The following ZNF282 variants were observed in gnomAD, a reference collection of about 807,000 sequenced individuals.
ZNF282 encodes the protein zinc finger protein 282, also known as HTLV-I U5 repressive element-binding protein 1.
A neutral mutation model predicts 61.9 loss-of-function variants in ZNF282; 30 were observed. The ratio of observed to expected loss-of-function variants is 0.48; its 90% CI spans 0.36 to 0.66. ZNF282 has a LOEUF of 0.66. Among genes scored for constraint, ZNF282 ranks in the 30% least tolerant of loss-of-function variants. The pLI is 0.00. For missense variants in ZNF282, 788 were observed against 941.4 expected, an observed-to-expected ratio of 0.84 and a Z score of 2.13; for synonymous variants, 396 against 405.0, an observed-to-expected ratio of 0.98 and a Z score of 0.27.
In ZNF282 at chr7:149,210,682, C is replaced by T. The variant is rs1418745737; in HGVS notation, c.930C>T (p.Ala310=). The T allele has an allele frequency of 3.7e-6, 6 of 1,606,390 alleles. No homozygotes were observed. Among genetic ancestry groups the T allele is most frequent in the African/African-American group, 2.7e-5 (2 of 74,788 alleles). ...VRGQRGLEER[A]IPTESITDSP... The stretch of plus-strand genomic sequence containing the variant: ...GTCAGCGGGGCCTGGAGGAAAGAGC[C>T]ATCCCTACGGAATCCATTACCGGTG... Residue 310 remains alanine (A), a synonymous_variant, in exon 5 of 8, where the codon GCC becomes GCT. Coordinates refer to ENST00000610704, the MANE Select transcript of ZNF282 (RefSeq NM_003575.4).
chr7:149,203,805 C>A lies in ZNF282; in HGVS notation c.586-2891C>A, dbSNP rs115564699. ...AGTTTCAGGGTTATTATCAATAAAA[C>A]GAAGATGATAATATGCTTACTTCAT... is the stretch of plus-strand genomic sequence containing the variant. On this transcript the variant is annotated intron_variant, in intron 2 of 7. Coordinates refer to ENST00000610704, the MANE Select transcript of ZNF282 (RefSeq NM_003575.4). Among the ~76,000 whole-genome samples the A allele has an allele frequency of 7.7e-3, 1,166 of 152,256 alleles. 13 individuals carry two copies. Among genetic ancestry groups the A allele is most frequent in the African/African-American group, 0.026 (1,097 of 41,536 alleles).
At position 149,198,518 on chromosome 7, in the gene ZNF282, C is replaced by T; in HGVS notation, c.351C>T (p.Ser117=). The stretch of plus-strand genomic sequence containing the variant: ...AGAGGAAGGTGGATGCCCAGGCCAG[C>T]CAGCTGCTGAACCTGGAGGGGCGCA... ...AVERKVDAQA[S]QLLNLEGRTG... is the part of the protein sequence containing the mutation. The change falls in exon 2 of 8, where the codon AGC becomes AGT. Residue 117 remains serine, a synonymous_variant. Transcript: ENST00000610704. The surrounding 1 kb of genome is among the most constrained non-coding windows in gnomAD (Gnocchi z 4.3). 1.2e-6 allele frequency: 2 copies of T among 1,614,134 alleles called. No individual in the cohort carries two copies. Among genetic ancestry groups the T allele is most frequent in the Non-Finnish European group, 8.5e-7 (1 of 1,180,008 alleles).
At chr7:149,220,102 T>A (rs1313034237) in intron 7 of ZNF282, among the ~76,000 whole-genome samples, 1 of 152,052 alleles carries the variant, frequency 6.6e-6, no homozygotes, top group East Asian at 1.9e-4. Context: ...AGAACCCTGA[T>A]TCAAACTGCC....
rs183727885 is a variant in ZNF282, at chr7:149,212,683, C to T, written c.1066+212C>T. Among the ~76,000 whole-genome samples the T allele has an allele frequency of 7.4e-3, 1,130 of 152,212 alleles. 13 individuals are homozygous for T. Among genetic ancestry groups the T allele is most frequent in the African/African-American group, 0.026 (1,059 of 41,516 alleles). ...GCAACCTCCGTTTCCCGGGTTTAAG[C>T]GATTCTCCTGCCTCAGCCTCCTGAG... On this transcript the variant is annotated intron_variant, in intron 6 of 7. Coordinates refer to ENST00000610704, the MANE Select transcript of ZNF282 (RefSeq NM_003575.4).
intron 2 of ZNF282, 48 bp from the exon 3 acceptor site, chr7:149,206,648 T>C: frequency 6.2e-7 from 1 of 1,606,590 alleles, no homozygotes; most frequent in Non-Finnish European, 8.5e-7. Context: ...GGGGAGGTGG[T>C]GGGGAGGAAC....
Position 149,206,711 on chromosome 7 carries a change from G to C in ZNF282, c.601G>C (p.Val201Leu). ...GTTGGCTTAGGTTCCAGTGACTTTT[G>C]TCGACATTGCTGTGTACTTCTCCGA... is the stretch of plus-strand genomic sequence containing the variant. Reference protein sequence around the residue: ...GEAPKVPVTFVDIAVYFSEDE... With the variant: ...GEAPKVPVTFLDIAVYFSEDE... Residue 201 changes from valine to leucine, a missense_variant, in exon 3 of 8, where the codon GTC becomes CTC. Val to Leu is a conservative substitution (Grantham distance 32). This residue lies in a region of ZNF282 where 92 missense variants were observed against 163.9 expected (regional missense o/e 0.56). Coordinates refer to ENST00000610704, the MANE Select transcript of ZNF282 (RefSeq NM_003575.4). 6.2e-7 allele frequency: 1 copy of C among 1,614,176 alleles called. No homozygotes were observed. Among genetic ancestry groups the C allele is most frequent in the East Asian group, 2.2e-5 (1 of 44,872 alleles).
At chr7:149,204,377 G>A (rs1157055674) in intron 2 of ZNF282, among the ~76,000 whole-genome samples, 1 of 152,172 alleles carries the variant, frequency 6.6e-6, no homozygotes, top group East Asian at 1.9e-4. Flanking sequence ...AGATGGTGAA[G>A]AGGAAAAAAC....
At chr7:149,197,905 A>C (rs751922792) in intron 1 of ZNF282, among the ~76,000 whole-genome samples, 5 of 152,396 alleles carry the variant, frequency 3.3e-5, no homozygotes. Flanking sequence ...TTCTTGCCCT[A>C]ACCTGCTGAG....
At chr7:149,205,446 TAAATAA>T (rs1381714763) in intron 2 of ZNF282, among the ~76,000 whole-genome samples, 9 of 151,926 alleles carry the variant, frequency 5.9e-5, no homozygotes, top group Non-Finnish European at 1.3e-4. Flanking sequence ...AAAAAATAAA[TAAATAA>T]AAATAAAAAT....
intron 1 of ZNF282, among the ~76,000 whole-genome samples, chr7:149,196,549 C>T (rs1795820456): frequency 6.6e-6 from 1 of 152,170 alleles, no homozygotes; most frequent in Non-Finnish European, 1.5e-5. Context: ...TCTCTGGGCC[C>T]ACCCTGGGGC....
chr7:149,223,553 C>G (rs1359979592), intron 7 of ZNF282, among the ~76,000 whole-genome samples: 1 of 152,222 alleles, frequency 6.6e-6, no homozygotes, highest in African/African-American at 2.4e-5. Flanking sequence ...AGGTCCCCTA[C>G]CCCTTAGCCC....
rs1352175146 is a variant in ZNF282, at chr7:149,224,609, G to T, written c.1978G>T (p.Ala660Ser). ...GCACAGCGGCGGCCCGGGCCCCGGCGCCCCACGGCAGCTCCCGCCGCCTCC... is the reference window on the plus strand; with the variant it reads ...GCACAGCGGCGGCCCGGGCCCCGGCTCCCCACGGCAGCTCCCGCCGCCTCC... Reference protein sequence around the residue: ...RVHSGGPGPGAPRQLPPPPER... With the variant: ...RVHSGGPGPGSPRQLPPPPER... The change falls in exon 8 of 8, where the codon GCC becomes TCC. Residue 660 changes from alanine (A) to serine (S), a missense_variant. By Grantham distance (99) the Ala-to-Ser change is moderately conservative. Coordinates refer to ENST00000610704, the MANE Select transcript of ZNF282 (RefSeq NM_003575.4). 1.3e-6 allele frequency: 2 copies of T among 1,552,178 alleles called. No individual in the cohort carries two copies. The highest frequency in any genetic ancestry group is 2.4e-5 in the East Asian group (1 of 41,906).
At chr7:149,208,455 G>C (rs1291854770) in intron 4 of ZNF282, among the ~76,000 whole-genome samples, 1 of 151,688 alleles carries the variant, frequency 6.6e-6, no homozygotes, top group African/African-American at 2.4e-5. Flanking sequence ...CACCCGCCTC[G>C]GCCTCCCAAA....
intron 5 of ZNF282, 78 bp downstream of exon 5, chr7:149,210,782 A>G (rs1248242114): frequency 1.4e-6 from 2 of 1,455,368 alleles, no homozygotes; most frequent in Non-Finnish European, 1.8e-6. Flanking sequence ...CAGCCCCCAG[A>G]GTTAGCTGTC....
At chr7:149,215,195 A>ATTT (rs36096302) in intron 7 of ZNF282, among the ~76,000 whole-genome samples, 1,473 of 90,648 alleles carry the variant, frequency 0.016, 17 homozygotes, top group East Asian at 0.029. Context: ...ATTTCCTGAC[A>ATTT]TTTTTTTTTT....
Position 149,207,492 on chromosome 7 carries a change from G to A in ZNF282, c.832+22G>A, listed in dbSNP as rs1405709866. On this transcript the variant is annotated intron_variant, in intron 4 of 7. Transcript: ENST00000610704. ...GCAGGTGATGGCAGCAGAAGAGAGT[G>A]CGGGGTCCAGGGAAGGGCGAGAGAG... 10 of 1,556,358 alleles carry A rather than the reference G, an allele frequency of 6.4e-6. No individual in the cohort carries two copies. In the Admixed American group the frequency reaches 1.8e-4, roughly 27 times the overall value.
chr7:149,215,448 C>T (rs567905257), intron 7 of ZNF282, among the ~76,000 whole-genome samples: 30 of 152,186 alleles, frequency 2.0e-4, no homozygotes, highest in Admixed American at 7.2e-4. Context: ...GGTGATCTGC[C>T]CACCTTGGCC....
chr7:149,198,806 A>G lies in ZNF282; in HGVS notation c.585+54A>G, dbSNP rs2129523013. The G allele has an allele frequency of 2.6e-6, 4 of 1,532,670 alleles. No individual in the cohort carries two copies. Among genetic ancestry groups the G allele is most frequent in the Middle Eastern group, 1.8e-4 (1 of 5,674 alleles). 94.9% of individuals were successfully genotyped at this position (1,532,670 alleles called of 1,614,324 possible). A position where few individuals can be genotyped will look rare whatever the true frequency, so the allele number is the denominator to read the frequency against. ...GAGGTGAGGAACAGCACAGGTGCAT[A>G]AAATTCTTGATTTCATTTTGTCAGC... On this transcript the variant is annotated intron_variant, in intron 2 of 7. Transcript: ENST00000610704. This position sits in a 1 kb window ranked among gnomAD's most constrained non-coding sequence, Gnocchi z 4.3.
intron 1 of ZNF282, among the ~76,000 whole-genome samples, chr7:149,196,243 T>A (rs1021954596): frequency 6.6e-6 from 1 of 152,180 alleles, no homozygotes; most frequent in African/African-American, 2.4e-5. Flanking sequence ...AATGAGTAAT[T>A]CACTCTCCCC....
Sources: allele counts gnomAD v4.1 joint callset (sites outside exome capture counted in the v4.1 genomes callset), GRCh38; gene constraint gnomAD v4.1.1; regional missense constraint gnomAD v4.1.1; non-coding constraint Gnocchi (gnomAD v3.1); transcripts MANE v1.5; gene names NCBI Gene and HGNC (gene_info 2026-07-23, HGNC 2026-07-21).